Variants in ADAM29 observed in about 807,000 individuals in gnomAD.
ADAM29 encodes the protein ADAM metallopeptidase domain 29.
For synonymous variants in ADAM29, 367 were observed against 342.3 expected (o/e 1.07, Z -0.80); for missense variants, 969 against 1,001.8 (o/e 0.97, Z 0.44).
intron 4 of ADAM29, among the ~76,000 whole-genome samples, chr4:174,958,240 A>G (rs1745617702): frequency 8.4e-6 from 1 of 119,062 alleles, no homozygotes; most frequent in African/African-American, 3.5e-5. Flanking sequence ...TCAATTACTG[A>G]TGGGGGGGTG....
At chr4:174,935,272 T>A (rs1037450711) in intron 3 of ADAM29, among the ~76,000 whole-genome samples, 9 of 152,254 alleles carry the variant, frequency 5.9e-5, no homozygotes, top group African/African-American at 2.2e-4. Context: ...AGAAATGCAT[T>A]GAATTCTTAT....
At chr4:174,947,153 A>G (rs968010868) in intron 4 of ADAM29, among the ~76,000 whole-genome samples, 2 of 151,570 alleles carry the variant, frequency 1.3e-5, no homozygotes, top group Non-Finnish European at 2.9e-5. Flanking sequence ...TTATTAGTCT[A>G]TCTAGCAGTC....
chr4:174,971,060 C>G (rs1466632267), intron 4 of ADAM29, among the ~76,000 whole-genome samples: 1 of 152,062 alleles, frequency 6.6e-6, no homozygotes, highest in Non-Finnish European at 1.5e-5. Flanking sequence ...CATATTGTGT[C>G]TCTTTTAACA....
chr4:174,929,072 A>G (rs1743691501), intron 2 of ADAM29, among the ~76,000 whole-genome samples: 1 of 152,226 alleles, frequency 6.6e-6, no homozygotes, highest in African/African-American at 2.4e-5. Flanking sequence ...CAGATGACTT[A>G]AAATTTCCGG....
rs1034694184 is a variant in ADAM29, at chr4:174,976,609, C to T, written c.1084C>T (p.Pro362Ser). The T allele has an allele frequency of 2.5e-6, 4 of 1,608,356 alleles. No individual in the cohort carries two copies. Among genetic ancestry groups the T allele is most frequent in the Non-Finnish European group, 1.7e-6 (2 of 1,177,394 alleles). ...PRCIMHEGNP[P>S]ITKFSNCSYG... is the part of the protein sequence containing the mutation. ...ATGCATAATGCATGAAGGCAACCCA[C>T]CAATAACTAAATTTAGCAATTGTAG... Residue 362 changes from proline to serine, a missense_variant, in exon 5 of 5, where the codon CCA becomes TCA. Pro to Ser is a moderately conservative substitution (Grantham distance 74). Transcript: ENST00000359240.
chr4:174,967,280 A>G (rs1441946827), intron 4 of ADAM29, among the ~76,000 whole-genome samples: 4 of 152,100 alleles, frequency 2.6e-5, no homozygotes, highest in Non-Finnish European at 4.4e-5. Context: ...GTTCATCTCA[A>G]TCATTGAGGT....
chr4:174,977,727 T>C lies in ADAM29; in HGVS notation c.2202T>C (p.Pro734=). ...RPHELPPQSQ[P]WVMPSQSQPP... is the part of the protein sequence containing the mutation. ...ATGAGTTACCTCCCCAGAGTCAACCTTGGGTGATGCCTTCCCAGAGTCAAC... is the reference window on the plus strand; with the variant it reads ...ATGAGTTACCTCCCCAGAGTCAACCCTGGGTGATGCCTTCCCAGAGTCAAC... The change falls in exon 5 of 5, where the codon CCT becomes CCC. Residue 734 remains proline (P), a synonymous_variant. Transcript: ENST00000359240. The C allele has an allele frequency of 2.5e-6, 4 of 1,613,638 alleles. No homozygotes were observed. Among genetic ancestry groups the C allele is most frequent in the Non-Finnish European group, 2.5e-6 (3 of 1,179,610 alleles).
intron 4 of ADAM29, among the ~76,000 whole-genome samples, chr4:174,963,855 C>T (rs1746000627): frequency 6.6e-6 from 1 of 151,866 alleles, no homozygotes; most frequent in African/African-American, 2.4e-5. Flanking sequence ...CTAAGTTTTG[C>T]ATTTTTAGTA....
intron 3 of ADAM29, among the ~76,000 whole-genome samples, chr4:174,934,183 C>T (rs6853925): frequency 0.89 from 134,752 of 152,050 alleles, 60,039 homozygotes; most frequent in East Asian, 0.96. Flanking sequence ...GATGGTATCT[C>T]ATTGTGTTTT....
intron 4 of ADAM29, among the ~76,000 whole-genome samples, chr4:174,966,519 C>G (rs116304641): frequency 6.6e-6 from 1 of 152,070 alleles, no homozygotes; most frequent in South Asian, 2.1e-4. Flanking sequence ...ACATCCTATT[C>G]CAAAGGTAAA....
rs562991529 is a variant in ADAM29 at position 174,929,506 on chromosome 4, C to G, written c.-450-1480C>G. ...GGGAAACACAGACTCTCCACAAAGG[C>G]AGAGTCCCTGCTGGTGCGCTTCCCG... is the stretch of plus-strand genomic sequence containing the variant. On this transcript the variant is annotated intron_variant, in intron 2 of 4. Coordinates refer to ENST00000359240, the MANE Select transcript of ADAM29 (RefSeq NM_014269.4). Among the ~76,000 whole-genome samples the G allele has an allele frequency of 3.9e-5, 6 of 152,184 alleles. No individual in the cohort carries two copies. The South Asian group carries it at 1.2e-3, about 32-fold the overall frequency.
At position 174,962,890 on chromosome 4, in the gene ADAM29, G is replaced by A. The variant is rs557288814; in HGVS notation, c.-180-12456G>A. Among the ~76,000 whole-genome samples the A allele has an allele frequency of 7.2e-4, 110 of 152,152 alleles. 1 individual carries two copies. The highest frequency in any genetic ancestry group is 3.4e-3 in the Middle Eastern group (1 of 294). On this transcript the variant is annotated intron_variant, in intron 4 of 4. Coordinates refer to ENST00000359240, the MANE Select transcript of ADAM29 (RefSeq NM_014269.4). ...TAGTGTTGATAATTGAGTCAAGCAC[G>A]AATTATCAATAAAATAACATGAAAA... is the stretch of plus-strand genomic sequence containing the variant.
In ADAM29 at chr4:174,978,021, A is replaced by G; in HGVS notation, c.*33A>G. On this transcript the variant is annotated 3_prime_UTR_variant, in exon 5 of 5. Coordinates refer to ENST00000359240, the MANE Select transcript of ADAM29 (RefSeq NM_014269.4). ...CTCAGTTGATGCCTTCCCAGAGTCAACCTCCTGTGACGCCCTCCCAGAGCC... is the reference window on the plus strand; with the variant it reads ...CTCAGTTGATGCCTTCCCAGAGTCAGCCTCCTGTGACGCCCTCCCAGAGCC... 1 of 1,599,452 alleles carries G rather than the reference A, an allele frequency of 6.3e-7. No individual in the cohort carries two copies. The highest frequency in any genetic ancestry group is 8.5e-7 in the Non-Finnish European group (1 of 1,170,714).
intron 3 of ADAM29, among the ~76,000 whole-genome samples, chr4:174,933,214 A>C (rs1744006203): frequency 6.6e-6 from 1 of 152,196 alleles, no homozygotes; most frequent in Admixed American, 6.5e-5. Flanking sequence ...CAGAGGACAG[A>C]GCACATCCAC....
At position 174,975,638 on chromosome 4, in the gene ADAM29, G is replaced by C; in HGVS notation, c.113G>C (p.Arg38Thr). 2 of 1,612,886 alleles carry C rather than the reference G, an allele frequency of 1.2e-6. No individual in the cohort carries two copies. Among genetic ancestry groups the C allele is most frequent in the Middle Eastern group, 1.7e-4 (1 of 6,032 alleles). The change falls in exon 5 of 5, where the codon AGG becomes ACG. Residue 38 changes from arginine (R) to threonine (T), a missense_variant. Arg to Thr is a moderately conservative substitution (Grantham distance 71). Coordinates refer to ENST00000359240, the MANE Select transcript of ADAM29 (RefSeq NM_014269.4). ...HSPPDVVIPVRITGTTRGMTP... is the reference protein window; with the variant it reads ...HSPPDVVIPVTITGTTRGMTP... ...CCTCCGGATGTGGTGATTCCTGTGA[G>C]GATAACTGGCACCACCAGAGGCATG...
chr4:174,973,301 G>C (rs572650148), intron 4 of ADAM29, among the ~76,000 whole-genome samples: 1 of 152,152 alleles, frequency 6.6e-6, no homozygotes, highest in Non-Finnish European at 1.5e-5. Context: ...CAATGACTGG[G>C]TGAAGCTGGG....
At chr4:174,954,028 C>A (rs900498222) in intron 4 of ADAM29, among the ~76,000 whole-genome samples, 1 of 152,090 alleles carries the variant, frequency 6.6e-6, no homozygotes, top group Non-Finnish European at 1.5e-5. Context: ...TTTATTATAT[C>A]ATGTCATTTC....
intron 4 of ADAM29, among the ~76,000 whole-genome samples, chr4:174,948,734 G>T (rs775093381): frequency 1.6e-4 from 25 of 152,282 alleles, no homozygotes; most frequent in Non-Finnish European, 2.6e-4. Context: ...CAGCCTCTCT[G>T]CTAGCACTTG....
chr4:174,950,496 T>C (rs977426796), intron 4 of ADAM29, among the ~76,000 whole-genome samples: 8 of 152,358 alleles, frequency 5.3e-5, no homozygotes, highest in Admixed American at 4.6e-4. Flanking sequence ...TACCCTATAT[T>C]GACTATCCTT....
Sources: gnomAD v4.1 joint callset for allele counts (sites outside exome capture counted in the v4.1 genomes callset) on GRCh38, gnomAD v4.1.1 for gene constraint, MANE v1.5 for transcripts, NCBI Gene and HGNC (gene_info 2026-07-23, HGNC 2026-07-21) for gene names.